Variants in DIS3L2 observed in about 807,000 individuals in gnomAD.
The protein encoded by DIS3L2 is DIS3 like 3'-5' exoribonuclease 2.
Under a neutral mutation model 97.5 loss-of-function variants are expected in DIS3L2, and 34 were observed. That is an observed-to-expected ratio of 0.35 (90% CI 0.27 to 0.46). The LOEUF (loss-of-function observed/expected upper bound fraction) is 0.46, where lower values mean the gene tolerates loss of function less well. Among genes scored for constraint, DIS3L2 ranks in the 20% least tolerant of loss-of-function variants. The probability of loss-of-function intolerance (pLI) is 1.00; values close to 1 mark genes in which losing one functional copy is unlikely to be tolerated. For synonymous variants in DIS3L2, 435 were observed against 445.2 expected, an observed-to-expected ratio of 0.98 and a Z score of 0.29; for missense variants, 1,038 against 1,146.0, an observed-to-expected ratio of 0.91 and a Z score of 1.36.
intron 16 of DIS3L2, among the ~76,000 whole-genome samples, chr2:232,332,080 GC>G (rs1695753096): frequency 6.6e-6 from 1 of 152,080 alleles, no homozygotes; most frequent in Admixed American, 6.5e-5. Context: ...CCCAGGGATG[GC>G]TGGGCCTGTG....
intron 6 of DIS3L2, among the ~76,000 whole-genome samples, chr2:232,089,607 A>G (rs966797042): frequency 5.9e-5 from 9 of 152,248 alleles, no homozygotes; most frequent in Non-Finnish European, 1.2e-4. Context: ...AGATATTCAC[A>G]GGATAAAGCC....
intron 10 of DIS3L2, among the ~76,000 whole-genome samples, chr2:232,211,105 A>G (rs1692176732): frequency 6.6e-6 from 1 of 151,736 alleles, no homozygotes; most frequent in Non-Finnish European, 1.5e-5. Flanking sequence ...GAACCCTTCC[A>G]ATCCCTCCTC....
chr2:232,034,662 A>C (rs551723672), intron 5 of DIS3L2, among the ~76,000 whole-genome samples: 5 of 152,198 alleles, frequency 3.3e-5, no homozygotes, highest in Non-Finnish European at 7.4e-5. Flanking sequence ...ATTCTGGTAC[A>C]TTGTGTCTTT....
intron 9 of DIS3L2, among the ~76,000 whole-genome samples, chr2:232,181,231 G>C (rs1691256896): frequency 6.6e-6 from 1 of 150,872 alleles, no homozygotes; most frequent in Admixed American, 6.6e-5. Context: ...CTTTCTCTCT[G>C]GCTGCCCTTA....
chr2:232,341,911 T>C (rs112648518), downstream of DIS3L2, among the ~76,000 whole-genome samples: 213 of 152,310 alleles, frequency 1.4e-3, 1 homozygote, highest in African/African-American at 4.9e-3. Flanking sequence ...CCAGCACCAG[T>C]TGGGCAGCCA....
At chr2:232,128,951 T>C (rs1176710626) in intron 6 of DIS3L2, among the ~76,000 whole-genome samples, 1 of 152,216 alleles carries the variant, frequency 6.6e-6, no homozygotes, top group African/African-American at 2.4e-5. Flanking sequence ...TGCCAGGATA[T>C]CCTTCTGAAT....
intron 7 of DIS3L2, among the ~76,000 whole-genome samples, chr2:232,133,606 A>G (rs1325139651): frequency 6.6e-6 from 1 of 152,234 alleles, no homozygotes; most frequent in Non-Finnish European, 1.5e-5. Context: ...TGATTTAAAA[A>G]TAGCCATCAT....
At chr2:232,169,316 AGTATATGTCATATATGCC>A (rs1191160155) in intron 9 of DIS3L2, among the ~76,000 whole-genome samples, 2 of 152,278 alleles carry the variant, frequency 1.3e-5, no homozygotes, top group Non-Finnish European at 2.9e-5. Context: ...GTTTATATAT[AGTATATGTCATATATGCC>A]GTATATGTCA....
chr2:232,223,919 C>G (rs1692572902), intron 10 of DIS3L2, among the ~76,000 whole-genome samples: 1 of 152,154 alleles, frequency 6.6e-6, no homozygotes. Context: ...GAAACCCCAT[C>G]TCTACAAAAA....
intron 5 of DIS3L2, among the ~76,000 whole-genome samples, chr2:232,086,610 T>A (rs1696631238): frequency 9.7e-6 from 1 of 103,388 alleles, no homozygotes; most frequent in Non-Finnish European, 1.8e-5. Context: ...TATGTGTGTG[T>A]GTGTATATAT....
Position 232,248,929 on chromosome 2 carries a change from A to G in DIS3L2, c.1318-310A>G, listed in dbSNP as rs186591256. ...TGGAGTGCTTATATCCAAAAGCACA[A>G]GTACTTCTTGAGTCTGGAGCTTCAG... On this transcript the variant is annotated intron_variant, in intron 11 of 20. Transcript: ENST00000325385. Among the ~76,000 whole-genome samples the G allele has an allele frequency of 1.1e-4, 16 of 152,360 alleles. No homozygotes were observed. The East Asian group carries it at 2.9e-3, about 28-fold the overall frequency.
chr2:231,980,870 G>T (rs562648711), intron 1 of DIS3L2, among the ~76,000 whole-genome samples: 1 of 152,132 alleles, frequency 6.6e-6, no homozygotes, highest in South Asian at 2.1e-4. Flanking sequence ...TATGTTTTCA[G>T]GTGATCCTCT....
At chr2:232,217,997 T>C (rs550577289) in intron 10 of DIS3L2, among the ~76,000 whole-genome samples, 19 of 152,216 alleles carry the variant, frequency 1.2e-4, no homozygotes, top group African/African-American at 4.6e-4. Flanking sequence ...CATTCCCTCT[T>C]CCAGGATATA....
intron 5 of DIS3L2, among the ~76,000 whole-genome samples, chr2:232,054,214 A>G (rs1259097491): frequency 6.6e-6 from 1 of 152,210 alleles, no homozygotes; most frequent in Non-Finnish European, 1.5e-5. Context: ...GCGACAATTC[A>G]TTCAACAAAT....
intron 5 of DIS3L2, among the ~76,000 whole-genome samples, chr2:232,052,451 A>T (rs1321261922): frequency 6.6e-6 from 1 of 152,218 alleles, no homozygotes; most frequent in Non-Finnish European, 1.5e-5. Flanking sequence ...AGTTAGTACC[A>T]GCTCAGACTG....
At chr2:232,343,683 C>A in exon 14 of DIS3L2, 1 of 1,223,044 alleles carries the variant, frequency 8.2e-7, no homozygotes, top group Non-Finnish European at 1.1e-6. Context: ...AGAAAAGGAG[C>A]TGGATGTGGG....
chr2:232,014,856 A>G lies in DIS3L2; in HGVS notation c.-72A>G, dbSNP rs1475796786. ...TCAGCGAATGACAACAGAGCTGCTC[A>G]AGGCGGGAACTCTGAGCTAAGCAGT... On this transcript the variant is annotated 5_prime_UTR_variant, in exon 2 of 21. Coordinates refer to ENST00000325385, the MANE Select transcript of DIS3L2 (RefSeq NM_152383.5). The G allele has an allele frequency of 2.6e-6, 4 of 1,543,176 alleles. No homozygotes were observed. Among genetic ancestry groups the G allele is most frequent in the African/African-American group, 2.7e-5 (2 of 72,764 alleles).
chr2:232,175,083 C>T (rs1691114943), intron 9 of DIS3L2, among the ~76,000 whole-genome samples: 2 of 152,124 alleles, frequency 1.3e-5, no homozygotes, highest in Admixed American at 6.6e-5. Flanking sequence ...CCCGCCCCGG[C>T]CTCCCAAAGT....
intron 9 of DIS3L2, among the ~76,000 whole-genome samples, chr2:232,209,345 G>C (rs1175203250): frequency 6.6e-6 from 1 of 152,144 alleles, no homozygotes; most frequent in African/African-American, 2.4e-5. Flanking sequence ...CTGCCAAGGA[G>C]GTTTTGAACA....
Sources: gnomAD v4.1 joint callset for allele counts (sites outside exome capture counted in the v4.1 genomes callset) on GRCh38, gnomAD v4.1.1 for gene constraint, MANE v1.5 for transcripts, NCBI Gene and HGNC (gene_info 2026-07-23, HGNC 2026-07-21) for gene names.